Variants in TENM4 observed in about 807,000 individuals in gnomAD.
TENM4 encodes teneurin-4.
A neutral mutation model predicts 243.3 loss-of-function variants in TENM4; 82 were observed. The observed-to-expected ratio is 0.34, with a 90% CI of 0.28 to 0.40. TENM4 has a LOEUF of 0.40. Among genes scored for constraint, TENM4 ranks in the 10% least tolerant of loss-of-function variants. The pLI is 1.00. For missense variants in TENM4, 3,138 were observed against 3,673.3 expected, an observed-to-expected ratio of 0.85 and a Z score of 3.77; for synonymous variants, 1,412 against 1,456.3, an observed-to-expected ratio of 0.97 and a Z score of 0.69.
At chr11:79,124,846 C>A (rs1249997192) in intron 4 of TENM4, among the ~76,000 whole-genome samples, 1 of 105,298 alleles carries the variant, frequency 9.5e-6, no homozygotes, top group Non-Finnish European at 2.0e-5. Flanking sequence ...TATATATATA[C>A]ACATATGTAT....
chr11:79,284,038 T>A (rs1856205098), intron 2 of TENM4, among the ~76,000 whole-genome samples: 1 of 152,146 alleles, frequency 6.6e-6, no homozygotes, highest in Non-Finnish European at 1.5e-5. Context: ...TAAAACAGAT[T>A]AAAAAGAAAT....
At chr11:79,146,725 A>G (rs768228802) in intron 4 of TENM4, among the ~76,000 whole-genome samples, 4 of 152,142 alleles carry the variant, frequency 2.6e-5, no homozygotes, top group Non-Finnish European at 5.9e-5. Flanking sequence ...TGAGAGATAC[A>G]TCCTATGCTG....
chr11:78,851,028 G>A (rs952460764), intron 12 of TENM4, among the ~76,000 whole-genome samples: 2 of 152,168 alleles, frequency 1.3e-5, no homozygotes, highest in Non-Finnish European at 2.9e-5. Context: ...ATATTTTCTG[G>A]AGAAAAGGCC....
intron 3 of TENM4, among the ~76,000 whole-genome samples, chr11:79,155,786 C>A (rs953433878): frequency 2.0e-5 from 3 of 150,054 alleles, no homozygotes; most frequent in African/African-American, 7.4e-5. Flanking sequence ...TTCCTCATTC[C>A]CACTCTAAGA....
chr11:78,715,299 T>C (rs1301383604), intron 25 of TENM4, among the ~76,000 whole-genome samples: 1 of 152,220 alleles, frequency 6.6e-6, no homozygotes, highest in Non-Finnish European at 1.5e-5. Context: ...TCTTTCTGCT[T>C]TTCTGATGAC....
intron 2 of TENM4, among the ~76,000 whole-genome samples, chr11:79,244,190 C>G (rs1272090940): frequency 6.6e-6 from 1 of 152,150 alleles, no homozygotes. Flanking sequence ...ATAAAAGTCC[C>G]AGGTGAGGCT....
chr11:79,086,053 T>C (rs1294226673), intron 4 of TENM4, among the ~76,000 whole-genome samples: 2 of 152,232 alleles, frequency 1.3e-5, no homozygotes, highest in African/African-American at 4.8e-5. Flanking sequence ...ACTGCCATAC[T>C]AATGGCTCCC....
chr11:79,298,210 A>T lies in TENM4; in HGVS notation c.-320-667T>A, dbSNP rs569869475. Among the ~76,000 whole-genome samples the T allele has an allele frequency of 3.4e-4, 52 of 152,270 alleles. 1 individual carries two copies. Among genetic ancestry groups the T allele is most frequent in the African/African-American group, 1.2e-3 (51 of 41,552 alleles). ...GAAGTGAGCAACTTTTGGAGCCCTC[A>T]GACTGGTCTTTCCCTAGTCTAGGTT... is the stretch of plus-strand genomic sequence containing the variant. On this transcript the variant is annotated intron_variant, in intron 1 of 33. Transcript: ENST00000278550.
intron 6 of TENM4, among the ~76,000 whole-genome samples, chr11:78,988,295 G>A (rs685747): frequency 6.6e-5 from 10 of 152,126 alleles, no homozygotes; most frequent in Admixed American, 2.6e-4. Context: ...CTACCTTAGT[G>A]ACCAATGGTC....
intron 6 of TENM4, among the ~76,000 whole-genome samples, chr11:79,062,796 C>A (rs1300219361): frequency 6.6e-6 from 1 of 152,198 alleles, no homozygotes; most frequent in Non-Finnish European, 1.5e-5. Context: ...ATGGCACAGA[C>A]CCTATTCTCT....
chr11:79,046,370 G>T (rs1272644666), intron 6 of TENM4, among the ~76,000 whole-genome samples: 1 of 152,154 alleles, frequency 6.6e-6, no homozygotes, highest in East Asian at 1.9e-4. Flanking sequence ...CTTCTGAGGG[G>T]TGGGGAGTTA....
intron 6 of TENM4, among the ~76,000 whole-genome samples, chr11:79,038,834 T>C (rs56040706): frequency 0.021 from 3,190 of 152,244 alleles, 114 homozygotes; most frequent in African/African-American, 0.072. Context: ...CCTAGCCTCA[T>C]AGAAGAGAAA....
At chr11:78,969,876 C>T (rs1342348590) in intron 6 of TENM4, among the ~76,000 whole-genome samples, 6 of 152,184 alleles carry the variant, frequency 3.9e-5, no homozygotes, top group African/African-American at 1.2e-4. Context: ...ATAAATGACA[C>T]CTAGAAAGAA....
chr11:78,667,280 C>T (rs1446864440), intron 32 of TENM4, among the ~76,000 whole-genome samples: 3 of 152,144 alleles, frequency 2.0e-5, no homozygotes, highest in Non-Finnish European at 4.4e-5. Flanking sequence ...GCTTGGGATG[C>T]CTGCTCTCAA....
chr11:78,859,445 G>A (rs10501404), intron 10 of TENM4, among the ~76,000 whole-genome samples: 5,044 of 152,278 alleles, frequency 0.033, 93 homozygotes, highest in Middle Eastern at 0.092. Context: ...ATAGATTCAG[G>A]CTTCCCATAG....
Position 79,440,654 on chromosome 11 carries a change from G to C in TENM4, c.-466C>G, listed in dbSNP as rs943965665. ...GGGGCGCCCAGGAAGGAGCAGGTCC[G>C]GGCTCTGCGCTCAGCTCCAGCGAGA... On this transcript the variant is annotated 5_prime_UTR_variant, in exon 1 of 34. Coordinates refer to ENST00000278550, the MANE Select transcript of TENM4 (RefSeq NM_001098816.3). The surrounding 1 kb of genome is among the most constrained non-coding windows in gnomAD (Gnocchi z 4.7). The C allele has an allele frequency of 3.3e-5, 5 of 152,044 alleles. No homozygotes were observed. Among genetic ancestry groups the C allele is most frequent in the East Asian group, 2.0e-4 (1 of 5,114 alleles). 9.4% of individuals were successfully genotyped at this position (152,044 alleles called of 1,614,324 possible). A position where few individuals can be genotyped will look rare whatever the true frequency, so the allele number is the denominator to read the frequency against.
chr11:79,326,889 C>T (rs933164284), intron 1 of TENM4, among the ~76,000 whole-genome samples: 16 of 152,118 alleles, frequency 1.1e-4, no homozygotes, highest in South Asian at 2.1e-4. Flanking sequence ...AATATCTATT[C>T]ACCATTATAT....
At chr11:78,985,116 G>T (rs1857888826) in intron 6 of TENM4, among the ~76,000 whole-genome samples, 1 of 152,192 alleles carries the variant, frequency 6.6e-6, no homozygotes, top group Admixed American at 6.5e-5. Context: ...CTGTTTGTGA[G>T]AATTAAATGA....
chr11:78,815,937 T>C (rs1420405290), intron 12 of TENM4, among the ~76,000 whole-genome samples: 1 of 152,246 alleles, frequency 6.6e-6, no homozygotes, highest in African/African-American at 2.4e-5. Flanking sequence ...CTATGCTATC[T>C]GGATCTTGAA....
Sources: allele counts gnomAD v4.1 joint callset (sites outside exome capture counted in the v4.1 genomes callset), GRCh38; gene constraint gnomAD v4.1.1; non-coding constraint Gnocchi (gnomAD v3.1); transcripts MANE v1.5; gene names NCBI Gene and HGNC (gene_info 2026-07-23, HGNC 2026-07-21).